The following LRRN2 variants were observed in gnomAD, a reference collection of about 807,000 sequenced individuals.
LRRN2 encodes the protein leucine rich repeat neuronal 2.
LRRN2 carries 10 observed loss-of-function variants against 35.7 expected under a neutral mutation model. The ratio of observed to expected loss-of-function variants is 0.28; its 90% CI spans 0.17 to 0.47. The LOEUF (loss-of-function observed/expected upper bound fraction) is 0.47, where lower values mean the gene tolerates loss of function less well. Among genes scored for constraint, LRRN2 ranks in the 20% least tolerant of loss-of-function variants. LRRN2 has a pLI of 0.99. For synonymous variants in LRRN2, 391 were observed against 409.6 expected (o/e 0.95, Z 0.55); for missense variants, 731 against 940.3 (o/e 0.78, Z 2.91).
In LRRN2 at chr1:204,619,639, C is replaced by T; in HGVS notation, c.354G>A (p.Gln118=). Residue 118 remains glutamine (Q), a synonymous_variant, in exon 2 of 2, where the codon CAG becomes CAA. Coordinates refer to ENST00000367177, the MANE Select transcript of LRRN2 (RefSeq NM_201630.2). ...TCTCCTCTAGGTGCAGGCTCAGCAG[C>T]TGGGGCAGGGCATGGAAATCACAGT... The part of the protein sequence containing the change: ...ARDCDFHALP[Q]LLSLHLEENQ... 1 of 1,614,190 alleles carries T rather than the reference C, an allele frequency of 6.2e-7. No homozygotes were observed. The highest frequency in any genetic ancestry group is 8.5e-7 in the Non-Finnish European group (1 of 1,180,038).
At chr1:204,681,115 C>T (rs192252204) in intron 1 of LRRN2, among the ~76,000 whole-genome samples, 1 of 152,126 alleles carries the variant, frequency 6.6e-6, no homozygotes, top group Non-Finnish European at 1.5e-5. Flanking sequence ...TGCCACCACG[C>T]CCGGCTAATC....
At chr1:204,622,639 G>A (rs1666990776) in intron 1 of LRRN2, among the ~76,000 whole-genome samples, 1 of 152,088 alleles carries the variant, frequency 6.6e-6, no homozygotes, top group Non-Finnish European at 1.5e-5. Context: ...GGAATTTTGT[G>A]GTGGTCTAGG....
intron 1 of LRRN2, among the ~76,000 whole-genome samples, chr1:204,638,572 G>A (rs536549056): frequency 3.2e-4 from 49 of 151,732 alleles, no homozygotes; most frequent in Non-Finnish European, 5.3e-4. Flanking sequence ...CACCACACCC[G>A]GCTAATTTTT....
At chr1:204,621,159 C>A (rs1391202550) in intron 1 of LRRN2, 1 of 167,212 alleles carries the variant, frequency 6.0e-6, no homozygotes, top group Non-Finnish European at 1.5e-5. Context: ...GCAGTGTTGC[C>A]CAGGAGGAGG....
At chr1:204,647,173 G>C (rs1320108109) in intron 1 of LRRN2, among the ~76,000 whole-genome samples, 1 of 146,486 alleles carries the variant, frequency 6.8e-6, no homozygotes, top group Non-Finnish European at 1.5e-5. Context: ...AAAAAAAAAG[G>C]CTAGAAAGTT....
At chr1:204,656,100 G>A (rs967835322) in intron 1 of LRRN2, among the ~76,000 whole-genome samples, 6 of 152,078 alleles carry the variant, frequency 3.9e-5, no homozygotes, top group South Asian at 4.1e-4. Context: ...TAGTAGAGAC[G>A]GGGTTTCACC....
At chr1:204,643,811 C>T (rs111743237) in intron 1 of LRRN2, among the ~76,000 whole-genome samples, 66 of 152,188 alleles carry the variant, frequency 4.3e-4, no homozygotes, top group Middle Eastern at 3.4e-3. Flanking sequence ...AAGCTGGGAA[C>T]CAAATGCTCG....
chr1:204,631,369 T>G (rs1358676721), intron 1 of LRRN2, among the ~76,000 whole-genome samples: 1 of 140,908 alleles, frequency 7.1e-6, no homozygotes, highest in African/African-American at 2.7e-5. Flanking sequence ...TCCTCTGTCC[T>G]GGCCACAAGG....
chr1:204,625,744 C>T (rs1244826466), intron 1 of LRRN2, among the ~76,000 whole-genome samples: 2 of 152,232 alleles, frequency 1.3e-5, no homozygotes, highest in African/African-American at 2.4e-5. Context: ...AATTAGGTTA[C>T]TCTGGCATTA....
intron 1 of LRRN2, among the ~76,000 whole-genome samples, chr1:204,683,286 G>A (rs548728542): frequency 6.6e-6 from 1 of 152,184 alleles, no homozygotes; most frequent in African/African-American, 2.4e-5. Context: ...CCTGGCTTAC[G>A]GTTTAAGCTG....
intron 1 of LRRN2, among the ~76,000 whole-genome samples, chr1:204,658,439 TCA>T (rs1668405083): frequency 6.6e-6 from 1 of 152,228 alleles, no homozygotes. Flanking sequence ...GAGCAAATGC[TCA>T]CTTTTCCAAC....
chr1:204,676,411 A>G (rs183690896), intron 1 of LRRN2, among the ~76,000 whole-genome samples: 1 of 152,184 alleles, frequency 6.6e-6, no homozygotes, highest in East Asian at 1.9e-4. Context: ...CCAGGCCCAT[A>G]ATGATCAACT....
intron 1 of LRRN2, among the ~76,000 whole-genome samples, chr1:204,651,852 C>A (rs909978150): frequency 6.6e-6 from 1 of 152,146 alleles, no homozygotes; most frequent in Non-Finnish European, 1.5e-5. Context: ...CCTTCCAGAA[C>A]CCCATCCTCC....
At chr1:204,684,360 C>T (rs1669019817) in intron 1 of LRRN2, among the ~76,000 whole-genome samples, 1 of 152,178 alleles carries the variant, frequency 6.6e-6, no homozygotes, top group South Asian at 2.1e-4. Flanking sequence ...GCTGCGGCAG[C>T]CTGAGGAACA....
chr1:204,683,125 G>A (rs1386956946), intron 1 of LRRN2: 1 of 152,252 alleles, frequency 6.6e-6, no homozygotes, highest in African/African-American at 2.4e-5. Flanking sequence ...AGTAGAAGGG[G>A]GAGGTGAGTA....
intron 1 of LRRN2, among the ~76,000 whole-genome samples, chr1:204,671,085 A>G (rs1668699749): frequency 6.6e-6 from 1 of 152,164 alleles, no homozygotes; most frequent in Non-Finnish European, 1.5e-5. Flanking sequence ...CTGGCCTGTG[A>G]TGGCCATGCT....
chr1:204,666,073 C>T (rs927700408), intron 1 of LRRN2, among the ~76,000 whole-genome samples: 4 of 152,072 alleles, frequency 2.6e-5, no homozygotes, highest in Non-Finnish European at 5.9e-5. Flanking sequence ...CCTGCAAATT[C>T]GATGCAAAAT....
At position 204,638,402 on chromosome 1, in the gene LRRN2, C is replaced by CTTTTTTTTTTTTTTTTTTTT. The variant is rs971289134; in HGVS notation, c.-226-18204_-226-18185dup. Among the ~76,000 whole-genome samples the CTTTTTTTTTTTTTTTTTTTT allele has an allele frequency of 1.1e-4, 8 of 71,676 alleles. 2 individuals carry two copies. The highest frequency in any genetic ancestry group is 3.8e-4 in the African/African-American group (6 of 15,622). The allele number at this position is 71,676 out of a possible 152,430, so 47.0% of individuals were successfully genotyped here. A position where few individuals can be genotyped will look rare whatever the true frequency, so the allele number is the denominator to read the frequency against. Reference sequence around the variant, plus strand: ...GTGAAGTAACTTGCCCAAGGTCTTCCTTTTTTTTTTTTTTTTTTTTTTTTT... The same window carrying CTTTTTTTTTTTTTTTTTTTT: ...GTGAAGTAACTTGCCCAAGGTCTTCCTTTTTTTTTTTTTTTTTTTTTTTTTTTTTTTTTTTTTTTTTTTTT... On this transcript the variant is annotated intron_variant, in intron 1 of 1. Transcript: ENST00000367177.
At chr1:204,659,822 A>G (rs972925912) in intron 1 of LRRN2, among the ~76,000 whole-genome samples, 1 of 152,198 alleles carries the variant, frequency 6.6e-6, no homozygotes, top group African/African-American at 2.4e-5. Flanking sequence ...GCTTGGATCC[A>G]TATGAAAACA....
Sources: allele counts gnomAD v4.1 joint callset (sites outside exome capture counted in the v4.1 genomes callset), GRCh38; gene constraint gnomAD v4.1.1; transcripts MANE v1.5; gene names NCBI Gene and HGNC (gene_info 2026-07-23, HGNC 2026-07-21).